Variants in CYP27A1 observed in about 807,000 individuals in gnomAD.
The protein encoded by CYP27A1 is sterol 26-hydroxylase, mitochondrial.
A neutral mutation model predicts 58.2 loss-of-function variants in CYP27A1; 46 were observed. The ratio of observed to expected loss-of-function variants is 0.79; its 90% CI spans 0.62 to 1.01. The LOEUF is 1.01. Ranked by LOEUF, CYP27A1 falls within the 50% of genes least tolerant of loss-of-function variation. The pLI is 0.00. For synonymous variants in CYP27A1, 274 were observed against 285.1 expected, an observed-to-expected ratio of 0.96 and a Z score of 0.39; for missense variants, 704 against 687.0, an observed-to-expected ratio of 1.02 and a Z score of -0.28.
rs182414953 is a variant in CYP27A1 at position 218,786,152 on chromosome 2, G to C, written c.255+3715G>C. Among the ~76,000 whole-genome samples the C allele has an allele frequency of 1.1e-3, 164 of 152,336 alleles. 2 individuals are homozygous for C. The highest frequency in any genetic ancestry group is 3.8e-3 in the African/African-American group (156 of 41,574). ...TAAAAAATGGCAGCTCTGTTTTTCTGCAGTTCCCTTGGCTCAGCTGTCTTG... is the reference window on the plus strand; with the variant it reads ...TAAAAAATGGCAGCTCTGTTTTTCTCCAGTTCCCTTGGCTCAGCTGTCTTG... On this transcript the variant is annotated intron_variant, in intron 1 of 8. Coordinates refer to ENST00000258415, the MANE Select transcript of CYP27A1 (RefSeq NM_000784.4).
chr2:218,787,843 A>G (rs918414374), intron 1 of CYP27A1, among the ~76,000 whole-genome samples: 3 of 152,210 alleles, frequency 2.0e-5, no homozygotes, highest in East Asian at 1.9e-4. Flanking sequence ...ATTCTGTCAT[A>G]TCAATACAAA....
At chr2:218,807,723 C>T (rs1943665704) in intron 1 of CYP27A1, among the ~76,000 whole-genome samples, 1 of 152,036 alleles carries the variant, frequency 6.6e-6, no homozygotes, top group Non-Finnish European at 1.5e-5. Flanking sequence ...AATTCTCCCA[C>T]CTCAGCCTCC....
At position 218,782,149 on chromosome 2, in the gene CYP27A1, T is replaced by G; in HGVS notation, c.-34T>G. On this transcript the variant is annotated 5_prime_UTR_variant, in exon 1 of 9. Transcript: ENST00000258415. The surrounding 1 kb of genome is among the most constrained non-coding windows in gnomAD (Gnocchi z 4.1). Reference sequence around the variant, plus strand: ...CTGGGCGGGTCCGGGGACTCAGCACTCGACCCAAAGGTGCAGGCGCGCGAG... The same window carrying G: ...CTGGGCGGGTCCGGGGACTCAGCACGCGACCCAAAGGTGCAGGCGCGCGAG... 2.0e-6 allele frequency: 3 copies of G among 1,532,502 alleles called. No individual in the cohort carries two copies. Among genetic ancestry groups the G allele is most frequent in the Non-Finnish European group, 2.6e-6 (3 of 1,145,708 alleles). 94.9% of individuals were successfully genotyped at this position (1,532,502 alleles called of 1,614,324 possible).
rs1183588587 is a variant in CYP27A1, at chr2:218,809,561, T to G, written c.256-16T>G. The G allele has an allele frequency of 2.5e-6, 4 of 1,613,644 alleles. No individual in the cohort carries two copies. The highest frequency in any genetic ancestry group is 3.4e-6 in the Non-Finnish European group (4 of 1,179,846). On this transcript the variant is annotated splice_polypyrimidine_tract_variant and intron_variant, in intron 1 of 8. Transcript: ENST00000258415. ...CCAGCTTGGCCCAGTTATTCAGTTT[T>G]GATTGAACTCCACAGGTGCTTTACA...
In CYP27A1 at chr2:218,798,354, G is replaced by A. The variant is rs980713635; in HGVS notation, c.256-11223G>A. On this transcript the variant is annotated intron_variant, in intron 1 of 8. Transcript: ENST00000258415. ...ACATTTTGTTGTTCTTACACACCTTGCATATAAATCTATTTTCAGTTGTTT... is the reference window on the plus strand; with the variant it reads ...ACATTTTGTTGTTCTTACACACCTTACATATAAATCTATTTTCAGTTGTTT... Among the ~76,000 whole-genome samples the A allele has an allele frequency of 2.0e-5, 3 of 152,120 alleles. No individual in the cohort carries two copies. In the South Asian group the frequency reaches 6.2e-4, roughly 32 times the overall value.
Position 218,788,999 on chromosome 2 carries a change from G to A in CYP27A1, c.255+6562G>A, listed in dbSNP as rs566205006. ...ACATGGCCCAAAAGCCTCAGAGATGGGAATATGAAACTAAGTATTAAGGTG... is the reference window on the plus strand; with the variant it reads ...ACATGGCCCAAAAGCCTCAGAGATGAGAATATGAAACTAAGTATTAAGGTG... On this transcript the variant is annotated intron_variant, in intron 1 of 8. Transcript: ENST00000258415. Among the ~76,000 whole-genome samples the A allele has an allele frequency of 5.3e-5, 8 of 152,250 alleles. No individual in the cohort carries two copies. In the East Asian group the frequency reaches 1.3e-3, roughly 26 times the overall value.
intron 3 of CYP27A1, 28 bp downstream of exon 3, chr2:218,812,449 A>G: frequency 6.2e-7 from 1 of 1,613,258 alleles, no homozygotes; most frequent in Non-Finnish European, 8.5e-7. Flanking sequence ...GGGGCTGGGG[A>G]AGGGAATGGG....
At chr2:218,788,381 G>A (rs1398379959) in intron 1 of CYP27A1, among the ~76,000 whole-genome samples, 1 of 152,170 alleles carries the variant, frequency 6.6e-6, no homozygotes, top group Non-Finnish European at 1.5e-5. Flanking sequence ...TAAGGCCTGG[G>A]CCTGAAAACC....
At chr2:218,785,216 T>A (rs1438704769) in intron 1 of CYP27A1, among the ~76,000 whole-genome samples, 2 of 151,938 alleles carry the variant, frequency 1.3e-5, no homozygotes, top group East Asian at 3.9e-4. Context: ...CACAATAGGG[T>A]TTGTGCTCCT....
In CYP27A1 at chr2:218,814,906, C is replaced by T. The variant is rs890298373; in HGVS notation, c.1477-5C>T. 5.0e-6 allele frequency: 8 copies of T among 1,614,210 alleles called. No individual in the cohort carries two copies. Among genetic ancestry groups the T allele is most frequent in the Non-Finnish European group, 6.8e-6 (8 of 1,180,034 alleles). ...ACCCAACCACATGTGCTCTTTACCC[C>T]CCAGCTGATCCAGAAGTACAAGGTG... On this transcript the variant is annotated splice_polypyrimidine_tract_variant and splice_region_variant and intron_variant, in intron 8 of 8. Transcript: ENST00000258415.
chr2:218,812,255 T>C lies in CYP27A1; in HGVS notation c.480T>C (p.Ala160=). The change falls in exon 3 of 9, where the codon GCT becomes GCC. Residue 160 remains alanine, a synonymous_variant. Coordinates refer to ENST00000258415, the MANE Select transcript of CYP27A1 (RefSeq NM_000784.4). ...ACCACTGGTACCAGCTGCGCCAGGC[T>C]CTGAACCAGCGGTTGCTGAAGCCAG... The part of the protein sequence containing the change: ...EGHHWYQLRQ[A]LNQRLLKPAE... 3 of 1,614,144 alleles carry C rather than the reference T, an allele frequency of 1.9e-6. No individual in the cohort carries two copies. The highest frequency in any genetic ancestry group is 2.5e-6 in the Non-Finnish European group (3 of 1,180,006).
chr2:218,814,495 C>T, intron 7 of CYP27A1, 37 bp downstream of exon 7: 1 of 1,612,586 alleles, frequency 6.2e-7, no homozygotes, highest in Non-Finnish European at 8.5e-7. Context: ...CCCAGGAGTG[C>T]CCTATGCCCC....
At chr2:218,811,202 G>C (rs1008601679) in intron 2 of CYP27A1, among the ~76,000 whole-genome samples, 1 of 152,142 alleles carries the variant, frequency 6.6e-6, no homozygotes, top group Non-Finnish European at 1.5e-5. Flanking sequence ...ACTCACCGTG[G>C]AAATTCCAAT....
chr2:218,813,248 C>T, intron 5 of CYP27A1, 152 bp downstream of exon 5: 2 of 751,230 alleles, frequency 2.7e-6, no homozygotes, highest in Non-Finnish European at 4.2e-6. Flanking sequence ...AAATAGAGGG[C>T]TTGCTCAGCT....
At chr2:218,787,804 T>C (rs1463274690) in intron 1 of CYP27A1, among the ~76,000 whole-genome samples, 5 of 152,336 alleles carry the variant, frequency 3.3e-5, no homozygotes, top group South Asian at 2.1e-4. Context: ...AACAAATTGC[T>C]GTTCTTTATA....
In CYP27A1 at chr2:218,814,693, A is replaced by T. The variant is rs776275363; in HGVS notation, c.1412A>T (p.Tyr471Phe). The stretch of plus-strand genomic sequence containing the variant: ...CCATTTGGCTCTGTGCCCTTTGGCT[A>T]TGGGGTCCGGGCCTGCCTGGGCCGC... ...QHPFGSVPFG[Y>F]GVRACLGRRI... The change falls in exon 8 of 9, where the codon TAT (tyrosine) becomes TTT (phenylalanine). Residue 471 changes from tyrosine to phenylalanine, a missense_variant. Tyr to Phe is a conservative substitution (Grantham distance 22, BLOSUM62 3). Transcript: ENST00000258415. 7 of 1,614,016 alleles carry T rather than the reference A, an allele frequency of 4.3e-6. No homozygotes were observed. Among genetic ancestry groups the T allele is most frequent in the Non-Finnish European group, 5.1e-6 (6 of 1,180,032 alleles).
intron 1 of CYP27A1, among the ~76,000 whole-genome samples, chr2:218,801,118 T>C (rs578070070): frequency 6.6e-6 from 1 of 152,362 alleles, no homozygotes; most frequent in South Asian, 2.1e-4. Context: ...TAAAGGATTT[T>C]GTTCGGATCT....
In CYP27A1 at chr2:218,814,138, G is replaced by C. The variant is rs1306895854; in HGVS notation, c.1135G>C (p.Asp379His). 1 of 1,614,248 alleles carries C rather than the reference G, an allele frequency of 6.2e-7. No individual in the cohort carries two copies. Among genetic ancestry groups the C allele is most frequent in the East Asian group, 2.2e-5 (1 of 44,882 alleles). The part of the protein sequence containing the change: ...VPAGQVPQHK[D>H]FAHMPLLKAV... Reference sequence around the variant, plus strand: ...AGCCGGGCAAGTGCCCCAGCACAAGGACTTTGCCCACATGCCGTTGCTCAA... The same window carrying C: ...AGCCGGGCAAGTGCCCCAGCACAAGCACTTTGCCCACATGCCGTTGCTCAA... Residue 379 changes from aspartate to histidine, a missense_variant, in exon 6 of 9, where the codon GAC (aspartate) becomes CAC (histidine). Transcript: ENST00000258415.
rs1182190234 is a variant in CYP27A1 at position 218,812,586 on chromosome 2, C to T, written c.681C>T (p.Gly227=). 5.0e-6 allele frequency: 8 copies of T among 1,614,100 alleles called. No homozygotes were observed. The highest frequency in any genetic ancestry group is 6.8e-6 in the Non-Finnish European group (8 of 1,180,040). Residue 227 remains glycine, a synonymous_variant, in exon 4 of 9, where the codon GGC becomes GGT. Coordinates refer to ENST00000258415, the MANE Select transcript of CYP27A1 (RefSeq NM_000784.4). ...ICYILFEKRI[G]CLQRSIPEDT... is the part of the protein sequence containing the mutation. ...ACATCCTGTTCGAGAAACGCATTGG[C>T]TGCCTGCAGCGATCCATCCCCGAGG...
Sources: allele counts gnomAD v4.1 joint callset (sites outside exome capture counted in the v4.1 genomes callset), GRCh38; gene constraint gnomAD v4.1.1; non-coding constraint Gnocchi (gnomAD v3.1); transcripts MANE v1.5; gene names NCBI Gene and HGNC (gene_info 2026-07-23, HGNC 2026-07-21).